Variants in RIMKLB observed in about 807,000 individuals in gnomAD.
The protein encoded by RIMKLB is ribosomal modification protein rimK like family member B, also known as beta-citrylglutamate synthase B.
RIMKLB carries 7 observed loss-of-function variants against 32.0 expected under a neutral mutation model. The observed-to-expected ratio is 0.22, with a 90% CI of 0.12 to 0.41. The LOEUF (loss-of-function observed/expected upper bound fraction) is 0.41, where lower values mean the gene tolerates loss of function less well. Among genes scored for constraint, RIMKLB ranks in the 10% least tolerant of loss-of-function variants. The pLI is 1.00. For synonymous variants in RIMKLB, 172 were observed against 185.1 expected, an observed-to-expected ratio of 0.93 and a Z score of 0.57; for missense variants, 289 against 498.7, an observed-to-expected ratio of 0.58 and a Z score of 4.00.
chr12:8,728,311 A>G (rs760232777), intron 2 of RIMKLB, among the ~76,000 whole-genome samples: 15 of 152,300 alleles, frequency 9.8e-5, no homozygotes, highest in Non-Finnish European at 2.1e-4. Context: ...TTTGGTTGAA[A>G]GGTGGGAATT....
At chr12:8,681,070 C>T (rs766488201), upstream of RIMKLB, among the ~76,000 whole-genome samples, 2 of 151,938 alleles carry the variant, frequency 1.3e-5, no homozygotes, top group South Asian at 2.1e-4. Context: ...AAATGATCCT[C>T]CCACCTCAGC....
At chr12:8,767,556 G>A (rs904236241) in intron 5 of RIMKLB, among the ~76,000 whole-genome samples, 10 of 152,130 alleles carry the variant, frequency 6.6e-5, no homozygotes, top group Admixed American at 1.3e-4. Flanking sequence ...AGTCGTGGTC[G>A]GGACCCAGAA....
upstream of RIMKLB, among the ~76,000 whole-genome samples, chr12:8,694,411 T>C (rs1475004222): frequency 2.0e-5 from 3 of 149,460 alleles, no homozygotes; most frequent in Non-Finnish European, 4.5e-5. Context: ...TTTTTTTTTT[T>C]TTGAGATGGA....
At chr12:8,696,819 T>C (rs1260687653), upstream of RIMKLB, among the ~76,000 whole-genome samples, 1 of 152,218 alleles carries the variant, frequency 6.6e-6, no homozygotes, top group Non-Finnish European at 1.5e-5. Flanking sequence ...GAAAAGTTGT[T>C]GGCTGAGGTC....
In RIMKLB at chr12:8,776,138, A is replaced by G. The variant is rs1439601627; in HGVS notation, c.*2354A>G. 2.0e-6 allele frequency: 2 copies of G among 985,002 alleles called. No individual in the cohort carries two copies. The highest frequency in any genetic ancestry group is 1.7e-5 in the African/African-American group (1 of 57,228). 61.0% of individuals were successfully genotyped at this position (985,002 alleles called of 1,614,324 possible). On this transcript the variant is annotated 3_prime_UTR_variant, in exon 6 of 6. Transcript: ENST00000535829. ...AGTTCATGTTTGTGTTGGTGGGGTA[A>G]GGCATCAGGAAAAATGTAGTTAGTC...
At chr12:8,769,970 A>ATT (rs762664306) in intron 5 of RIMKLB, among the ~76,000 whole-genome samples, 4 of 141,432 alleles carry the variant, frequency 2.8e-5, no homozygotes, top group African/African-American at 2.6e-5. Flanking sequence ...TGTAGCAATA[A>ATT]TTTTTTTTTT....
intron 5 of RIMKLB, among the ~76,000 whole-genome samples, chr12:8,767,550 G>A (rs1279233164): frequency 6.6e-6 from 1 of 152,188 alleles, no homozygotes; most frequent in African/African-American, 2.4e-5. Context: ...CAAGAAAGTC[G>A]TGGTCGGGAC....
At chr12:8,752,332 C>T (rs764174219) in intron 4 of RIMKLB, among the ~76,000 whole-genome samples, 8 of 152,190 alleles carry the variant, frequency 5.3e-5, no homozygotes, top group African/African-American at 1.7e-4. Context: ...GCAGGCGGAT[C>T]GCCTGAGGTC....
intron 2 of RIMKLB, among the ~76,000 whole-genome samples, chr12:8,743,527 C>G (rs1326044810): frequency 7.0e-6 from 1 of 142,270 alleles, no homozygotes. Context: ...GCCAAACTGT[C>G]CACTAGTACT....
At chr12:8,763,737 A>AATT (rs1949721158) in intron 5 of RIMKLB, among the ~76,000 whole-genome samples, 2 of 152,200 alleles carry the variant, frequency 1.3e-5, no homozygotes, top group South Asian at 4.1e-4. Context: ...ACTAAAAGTA[A>AATT]ATTATCCACG....
intron 2 of RIMKLB, among the ~76,000 whole-genome samples, chr12:8,726,060 T>C (rs1283198666): frequency 6.6e-6 from 1 of 152,228 alleles, no homozygotes; most frequent in Non-Finnish European, 1.5e-5. Context: ...GTTGGCCTGG[T>C]TGGTCTTGAA....
rs140504662 is a variant in RIMKLB at position 8,739,540 on chromosome 12, A to G, written c.176-10322A>G. ...ACCCACGCTGGTGCGCAATGATGCA[A>G]TCACAGCTCAGCTTGAACCTCATAG... is the stretch of plus-strand genomic sequence containing the variant. On this transcript the variant is annotated intron_variant, in intron 2 of 5. Transcript: ENST00000535829. 2.6e-5 allele frequency among the ~76,000 whole-genome samples: 4 copies of G among 152,240 alleles called. No homozygotes were observed. In the East Asian group the frequency reaches 5.8e-4, roughly 22 times the overall value.
At chr12:8,709,878 T>TGTATGTGGTACA (rs112085929) in intron 1 of RIMKLB, among the ~76,000 whole-genome samples, 5,089 of 152,316 alleles carry the variant, frequency 0.033, 294 homozygotes, top group African/African-American at 0.12. Context: ...ACATAGTATA[T>TGTATGTGGTACA]GTACTATCTG....
intron 2 of RIMKLB, among the ~76,000 whole-genome samples, chr12:8,748,553 TGTGTGC>T (rs1277750212): frequency 9.4e-6 from 1 of 106,884 alleles, no homozygotes; most frequent in Non-Finnish European, 2.1e-5. Flanking sequence ...TGTGTGTGTG[TGTGTGC>T]ATATATATAT....
the RIMKLB span, among the ~76,000 whole-genome samples, chr12:8,676,382 C>CTTTTT: frequency 1.5e-3 from 57 of 37,340 alleles, 6 homozygotes; most frequent in Non-Finnish European, 2.1e-3. Context: ...CCCCCAACAG[C>CTTTTT]TTTTTTTTTT....
intron 5 of RIMKLB, among the ~76,000 whole-genome samples, chr12:8,759,092 A>G (rs1207473313): frequency 6.6e-6 from 1 of 152,174 alleles, no homozygotes; most frequent in African/African-American, 2.4e-5. Context: ...TGATGGAACA[A>G]AATACATATT....
chr12:8,673,261 G>C, the RIMKLB span, among the ~76,000 whole-genome samples: 1 of 152,060 alleles, frequency 6.6e-6, no homozygotes, highest in South Asian at 2.1e-4. Flanking sequence ...GTGACAGGTA[G>C]AGGTACAGTG....
intron 2 of RIMKLB, among the ~76,000 whole-genome samples, chr12:8,722,220 T>TAAAAA (rs34755699): frequency 1.4e-5 from 2 of 147,664 alleles, no homozygotes; most frequent in African/African-American, 5.0e-5. Flanking sequence ...CTCACAGAGC[T>TAAAAA]AAAAAAAAAA....
In RIMKLB at chr12:8,773,739, C is replaced by T; in HGVS notation, c.1116C>T (p.Asn372=). 1.2e-6 allele frequency: 2 copies of T among 1,614,168 alleles called. No homozygotes were observed. The highest frequency in any genetic ancestry group is 1.7e-6 in the Non-Finnish European group (2 of 1,179,970). ...LLTKLPGGLF[N]MNQLLANEIK... ...CCAAGCTCCCAGGGGGCCTGTTCAACATGAACCAGCTGCTAGCCAATGAAA... is the reference window on the plus strand; with the variant it reads ...CCAAGCTCCCAGGGGGCCTGTTCAATATGAACCAGCTGCTAGCCAATGAAA... The change falls in exon 6 of 6, where the codon AAC becomes AAT. Residue 372 remains asparagine, a synonymous_variant. Transcript: ENST00000535829.
Sources: gnomAD v4.1 joint callset for allele counts (sites outside exome capture counted in the v4.1 genomes callset) on GRCh38, gnomAD v4.1.1 for gene constraint, MANE v1.5 for transcripts, NCBI Gene and HGNC (gene_info 2026-07-23, HGNC 2026-07-21) for gene names.